ECI1: variants seen among roughly 807,000 people sequenced by gnomAD.
ECI1 encodes the protein enoyl-CoA delta isomerase 1.
Under a neutral mutation model 34.2 loss-of-function variants are expected in ECI1, and 34 were observed. The observed-to-expected ratio is 1.00, with a 90% CI of 0.76 to 1.33. The LOEUF (loss-of-function observed/expected upper bound fraction) is 1.33, where lower values mean the gene tolerates loss of function less well. Ranked by LOEUF, ECI1 falls within the 40% of genes most tolerant of loss-of-function variation. ECI1 has a pLI of 0.00. For synonymous variants in ECI1, 211 were observed against 193.0 expected, an observed-to-expected ratio of 1.09 and a Z score of -0.77; for missense variants, 456 against 422.2, an observed-to-expected ratio of 1.08 and a Z score of -0.70.
Position 2,251,358 on chromosome 16 carries a change from AGCGCCGC to A in ECI1, c.117_123del (p.Arg40SerfsTer18). On this transcript the variant is annotated frameshift_variant, in exon 2 of 7. Coordinates refer to ENST00000301729, the MANE Select transcript of ECI1 (RefSeq NM_001919.4). LOFTEE classifies it high-confidence loss of function. ...TCCACCAGCACCCGCTGGCTCCCGA[AGCGCCGC>A]GCGCCGTCTCCGCCGCCGGCCGCCC... 2.4e-6 allele frequency: 3 copies of A among 1,249,050 alleles called. No homozygotes were observed. The highest frequency in any genetic ancestry group is 3.0e-6 in the Non-Finnish European group (3 of 996,758). The allele number at this position is 1,249,050 out of a possible 1,614,324, so 77.4% of individuals were successfully genotyped here. A position where few individuals can be genotyped will look rare whatever the true frequency, so the allele number is the denominator to read the frequency against.
In ECI1 at chr16:2,240,160, A is replaced by G. The variant is rs752807063; in HGVS notation, c.743-15T>C. ...TCGAGCATGGTCTAAAGAGAATGGG[A>G]CGTGCCACTGAAATCCCACTTTCAG... is the stretch of plus-strand genomic sequence containing the variant. On this transcript the variant is annotated splice_polypyrimidine_tract_variant and intron_variant, in intron 6 of 6. Transcript: ENST00000301729. 6.8e-6 allele frequency: 11 copies of G among 1,612,596 alleles called. No individual in the cohort carries two copies. In the East Asian group the frequency reaches 1.3e-4, roughly 20 times the overall value.
At chr16:2,240,567 A>C (rs559444956) in intron 6 of ECI1, 4 of 256,672 alleles carry the variant, frequency 1.6e-5, no homozygotes, top group Non-Finnish European at 2.3e-5. Context: ...TCTGTCGCCC[A>C]TACTGGAGTG....
chr16:2,248,608 T>C (rs2093545794), intron 2 of ECI1, among the ~76,000 whole-genome samples: 3 of 151,174 alleles, frequency 2.0e-5, no homozygotes, highest in Non-Finnish European at 4.4e-5. Flanking sequence ...GAGACGGGGT[T>C]TCACCAGGTT....
At chr16:2,251,474 C>T (rs1006665698) in intron 1 of ECI1, 41 bp downstream of exon 1, 1 of 1,540,828 alleles carries the variant, frequency 6.5e-7, no homozygotes, top group African/African-American at 1.4e-5. Flanking sequence ...CGGTCCTGGC[C>T]CCGGCCCCGG....
At chr16:2,244,753 C>G (rs1487244052) in intron 3 of ECI1, among the ~76,000 whole-genome samples, 1 of 152,184 alleles carries the variant, frequency 6.6e-6, no homozygotes, top group African/African-American at 2.4e-5. Flanking sequence ...CCCTGTACTT[C>G]CCAGAACATT....
At chr16:2,249,820 G>A (rs160557) in intron 2 of ECI1, among the ~76,000 whole-genome samples, 11,475 of 143,554 alleles carry the variant, frequency 0.08, 1,498 homozygotes, top group African/African-American at 0.28. Context: ...GGAGCTTGCA[G>A]TGAGCGGAGA....
At position 2,239,709 on chromosome 16, in the gene ECI1, C is replaced by T; in HGVS notation, c.*270G>A. 2.0e-6 allele frequency: 1 copy of T among 497,948 alleles called. No homozygotes were observed. The allele number at this position is 497,948 out of a possible 1,614,324, so 30.8% of individuals were successfully genotyped here. The stretch of plus-strand genomic sequence containing the variant: ...GGGAACAGAGACACTCCGTGGCAAC[C>T]TCACCAGGTCCAGAATGGCATCCCC... On this transcript the variant is annotated 3_prime_UTR_variant, in exon 7 of 7. Coordinates refer to ENST00000301729, the MANE Select transcript of ECI1 (RefSeq NM_001919.4).
chr16:2,244,643 C>G (rs551647547), intron 3 of ECI1, 91 bp from the exon 4 acceptor site: 5 of 1,383,648 alleles, frequency 3.6e-6, no homozygotes, highest in African/African-American at 2.9e-5. Context: ...GTGCACGACG[C>G]ACAGCAGGGC....
chr16:2,249,516 A>T (rs1267043498), intron 2 of ECI1, among the ~76,000 whole-genome samples: 1 of 152,054 alleles, frequency 6.6e-6, no homozygotes, highest in Admixed American at 6.6e-5. Flanking sequence ...CCGGTAAAAA[A>T]GGAAAAGTGT....
chr16:2,245,314 C>T (rs1445891716), intron 3 of ECI1, among the ~76,000 whole-genome samples: 1 of 152,250 alleles, frequency 6.6e-6, no homozygotes, highest in Non-Finnish European at 1.5e-5. Flanking sequence ...CCAGCTCACC[C>T]TGACTCACAC....
At position 2,251,527 on chromosome 16, in the gene ECI1, G is replaced by C. The variant is rs756244379; in HGVS notation, c.40C>G (p.Leu14Val). 154 of 1,560,696 alleles carry C rather than the reference G, an allele frequency of 9.9e-5. No individual in the cohort carries two copies. Among genetic ancestry groups the C allele is most frequent in the Middle Eastern group, 1.7e-4 (1 of 5,844 alleles). ...VASVRVPARV[L>V]LRAGARLPGA... Reference sequence around the variant, plus strand: ...CCGGGTTTCGCACCCGCGCGGAGCAGAACGCGCGCCGGGACTCGCACAGAA... The same window carrying C: ...CCGGGTTTCGCACCCGCGCGGAGCACAACGCGCGCCGGGACTCGCACAGAA... The change falls in exon 1 of 7, where the codon CTG (leucine) becomes GTG (valine). Residue 14 changes from leucine to valine, a missense_variant. Leu to Val is a conservative substitution (Grantham distance 32, BLOSUM62 1). Coordinates refer to ENST00000301729, the MANE Select transcript of ECI1 (RefSeq NM_001919.4).
chr16:2,245,845 C>T (rs2093539061), intron 3 of ECI1, among the ~76,000 whole-genome samples: 1 of 152,010 alleles, frequency 6.6e-6, no homozygotes, highest in African/African-American at 2.4e-5. Flanking sequence ...ACTGTCTCTC[C>T]CAAAAATTTT....
At chr16:2,248,216 C>A (rs1046805284) in intron 2 of ECI1, among the ~76,000 whole-genome samples, 2 of 151,914 alleles carry the variant, frequency 1.3e-5, no homozygotes, top group Non-Finnish European at 2.9e-5. Flanking sequence ...CCTGCCTCAG[C>A]CTCCTGAGTA....
In ECI1 at chr16:2,251,529, A is replaced by G. The variant is rs1189628478; in HGVS notation, c.38T>C (p.Val13Ala). The G allele has an allele frequency of 5.8e-6, 9 of 1,560,664 alleles. No individual in the cohort carries two copies. Among genetic ancestry groups the G allele is most frequent in the Non-Finnish European group, 7.8e-6 (9 of 1,153,710 alleles). Residue 13 changes from valine to alanine, a missense_variant, in exon 1 of 7, where the codon GTT becomes GCT. By Grantham distance (64) the Val-to-Ala change is moderately conservative. Coordinates refer to ENST00000301729, the MANE Select transcript of ECI1 (RefSeq NM_001919.4). ...LVASVRVPAR[V>A]LLRAGARLPG... The stretch of plus-strand genomic sequence containing the variant: ...GGGTTTCGCACCCGCGCGGAGCAGA[A>G]CGCGCGCCGGGACTCGCACAGAAGC...
chr16:2,245,879 C>T (rs943081784), intron 3 of ECI1, among the ~76,000 whole-genome samples: 2 of 152,080 alleles, frequency 1.3e-5, no homozygotes, highest in South Asian at 2.1e-4. Flanking sequence ...ATTCAAGAAT[C>T]GCTTGAACCC....
At position 2,251,443 on chromosome 16, in the gene ECI1, G is replaced by C. The variant is rs1411930060; in HGVS notation, c.53-14C>G. The C allele has an allele frequency of 1.3e-6, 2 of 1,495,300 alleles. No individual in the cohort carries two copies. Among genetic ancestry groups the C allele is most frequent in the Non-Finnish European group, 1.8e-6 (2 of 1,123,746 alleles). The allele number at this position is 1,495,300 out of a possible 1,614,324, so 92.6% of individuals were successfully genotyped here. Reference sequence around the variant, plus strand: ...GGAGCCGGGCCCCTGCGAAGGCAGCGTGGGGGAGCCCGTTAGTTCCCGGTC... The same window carrying C: ...GGAGCCGGGCCCCTGCGAAGGCAGCCTGGGGGAGCCCGTTAGTTCCCGGTC... On this transcript the variant is annotated splice_polypyrimidine_tract_variant and intron_variant, in intron 1 of 6. Coordinates refer to ENST00000301729, the MANE Select transcript of ECI1 (RefSeq NM_001919.4).
At chr16:2,249,775 G>A (rs553224031) in intron 2 of ECI1, among the ~76,000 whole-genome samples, 92 of 149,834 alleles carry the variant, frequency 6.1e-4, no homozygotes, top group African/African-American at 2.0e-3. Flanking sequence ...CTACTTGGGC[G>A]GCTGAGGTAG....
Position 2,239,959 on chromosome 16 carries a change from A to T in ECI1, c.*20T>A. The T allele has an allele frequency of 6.2e-7, 1 of 1,613,296 alleles. No individual in the cohort carries two copies. The highest frequency in any genetic ancestry group is 8.5e-7 in the Non-Finnish European group (1 of 1,179,814). On this transcript the variant is annotated 3_prime_UTR_variant, in exon 7 of 7. Transcript: ENST00000301729. ...ACCCACAGGGGCACGTGTGGCCGTA[A>T]GCCTGTGGCAGCCCAATCGTTAGCC...
intron 4 of ECI1, 115 bp from the exon 5 acceptor site, chr16:2,243,554 G>A: frequency 7.8e-7 from 1 of 1,278,780 alleles, no homozygotes. Context: ...CCCCCGCAGG[G>A]TTCAACACCC....
Sources: gnomAD v4.1 joint callset for allele counts (sites outside exome capture counted in the v4.1 genomes callset) on GRCh38, gnomAD v4.1.1 for gene constraint, MANE v1.5 for transcripts, NCBI Gene and HGNC (gene_info 2026-07-23, HGNC 2026-07-21) for gene names.